Variants in MAP2K5 observed in about 807,000 individuals in gnomAD.
MAP2K5 encodes dual specificity mitogen-activated protein kinase kinase 5.
MAP2K5 carries 49 observed loss-of-function variants against 83.1 expected under a neutral mutation model. That is an observed-to-expected ratio of 0.59 (90% CI 0.47 to 0.75). MAP2K5 has a LOEUF of 0.75. Ranked by LOEUF, MAP2K5 falls within the 30% of genes least tolerant of loss-of-function variation. The pLI is 0.00. For missense variants in MAP2K5, 457 were observed against 557.5 expected (o/e 0.82, Z 1.82); for synonymous variants, 202 against 191.8 (o/e 1.05, Z -0.44).
intron 9 of MAP2K5, among the ~76,000 whole-genome samples, chr15:67,639,717 T>C (rs1240409319): frequency 6.6e-6 from 1 of 152,230 alleles, no homozygotes; most frequent in East Asian, 1.9e-4. Flanking sequence ...TCAGTCTGCT[T>C]TTATAGCATT....
At chr15:67,799,147 C>G (rs772353496) in intron 21 of MAP2K5, among the ~76,000 whole-genome samples, 1 of 152,118 alleles carries the variant, frequency 6.6e-6, no homozygotes, top group African/African-American at 2.4e-5. Context: ...CCAGCCTGGG[C>G]GACAGAGCGA....
chr15:67,564,904 A>G (rs1177817316), intron 3 of MAP2K5, among the ~76,000 whole-genome samples: 1 of 152,220 alleles, frequency 6.6e-6, no homozygotes, highest in African/African-American at 2.4e-5. Flanking sequence ...GATCTTACAA[A>G]TTGTGCTTTT....
rs573360459 is a variant in MAP2K5 at position 67,587,454 on chromosome 15, G to A, written c.431+541G>A. ...AAAGATCCTCTGCCTGTGGTGTGGC[G>A]AATGAGCAGAAGCTCCCATCTAATC... On this transcript the variant is annotated intron_variant, in intron 6 of 21. Transcript: ENST00000178640. The surrounding 1 kb of genome is among the most constrained non-coding windows in gnomAD (Gnocchi z 4.8). 6.6e-6 allele frequency among the ~76,000 whole-genome samples: 1 copy of A among 152,278 alleles called. No individual in the cohort carries two copies. The highest frequency in any genetic ancestry group is 2.1e-4 in the South Asian group (1 of 4,818).
rs1363663103 is a variant in MAP2K5, at chr15:67,665,853, G to GA, written c.847+1216dup. 1.3e-5 allele frequency among the ~76,000 whole-genome samples: 2 copies of GA among 151,788 alleles called. No homozygotes were observed. The highest frequency in any genetic ancestry group is 6.6e-5 in the Admixed American group (1 of 15,238). On this transcript the variant is annotated intron_variant, in intron 13 of 21. Coordinates refer to ENST00000178640, the MANE Select transcript of MAP2K5 (RefSeq NM_145160.3). The surrounding 1 kb of genome is among the most constrained non-coding windows in gnomAD (Gnocchi z 4.2). The stretch of plus-strand genomic sequence containing the variant: ...AAGTGTGTAAACAAATTTGGTGGAT[G>GA]AAAAAAAATTGAACATTTTTGACTA...
In MAP2K5 at chr15:67,738,530, C is replaced by G. The variant is rs886440706; in HGVS notation, c.1075-9701C>G. On this transcript the variant is annotated intron_variant, in intron 17 of 21. Transcript: ENST00000178640. The surrounding 1 kb of genome is among the most constrained non-coding windows in gnomAD (Gnocchi z 4.1). Reference sequence around the variant, plus strand: ...TTTCTACCCAAACATACGCACAGAGCTAACCTGAGTTCTGGTCTTGGCTTT... The same window carrying G: ...TTTCTACCCAAACATACGCACAGAGGTAACCTGAGTTCTGGTCTTGGCTTT... 3.9e-5 allele frequency among the ~76,000 whole-genome samples: 6 copies of G among 152,208 alleles called. No individual in the cohort carries two copies. The highest frequency in any genetic ancestry group is 7.4e-5 in the Non-Finnish European group (5 of 68,022).
At chr15:67,673,460 G>A (rs900006719) in intron 13 of MAP2K5, among the ~76,000 whole-genome samples, 1 of 152,022 alleles carries the variant, frequency 6.6e-6, no homozygotes, top group African/African-American at 2.4e-5. Flanking sequence ...AAATTATTTT[G>A]TTATATTTAT....
chr15:67,617,526 A>T (rs1210286561), intron 8 of MAP2K5, among the ~76,000 whole-genome samples: 1 of 152,204 alleles, frequency 6.6e-6, no homozygotes, highest in African/African-American at 2.4e-5. Flanking sequence ...TTGAAATTCT[A>T]GGCATAAATA....
At chr15:67,600,150 A>G (rs1437746245) in intron 7 of MAP2K5, among the ~76,000 whole-genome samples, 1 of 152,162 alleles carries the variant, frequency 6.6e-6, no homozygotes, top group South Asian at 2.1e-4. Flanking sequence ...TTATTGCTGT[A>G]TACTAGTTTG....
chr15:67,706,644 G>A (rs2088561618), intron 16 of MAP2K5, among the ~76,000 whole-genome samples: 1 of 152,122 alleles, frequency 6.6e-6, no homozygotes, highest in Non-Finnish European at 1.5e-5. Context: ...TGTACATGAT[G>A]CTTAACTAAA....
chr15:67,723,413 G>A (rs8025055), intron 16 of MAP2K5, among the ~76,000 whole-genome samples: 152,162 of 152,314 alleles, frequency 1, 76,005 homozygotes, highest in Non-Finnish European at 1. Context: ...GGAACGTCCT[G>A]TTTTTAGAGT....
At chr15:67,618,527 T>C (rs1325597319) in intron 8 of MAP2K5, among the ~76,000 whole-genome samples, 1 of 152,222 alleles carries the variant, frequency 6.6e-6, no homozygotes, top group Admixed American at 6.5e-5. Context: ...TTCAGACTCA[T>C]ATCTGATTAC....
intron 17 of MAP2K5, among the ~76,000 whole-genome samples, chr15:67,742,186 C>T (rs528322586): frequency 2.4e-4 from 36 of 152,284 alleles, no homozygotes; most frequent in African/African-American, 7.9e-4. Flanking sequence ...CCACTGCGCC[C>T]GGCCAAGAAA....
intron 19 of MAP2K5, among the ~76,000 whole-genome samples, chr15:67,766,298 T>G (rs1242425512): frequency 6.6e-5 from 10 of 152,184 alleles, no homozygotes; most frequent in Admixed American, 6.5e-4. Context: ...CCTCCGTGCT[T>G]AGAAGTTCAA....
intron 11 of MAP2K5, among the ~76,000 whole-genome samples, chr15:67,651,723 G>C (rs144439715): frequency 8.3e-4 from 127 of 152,214 alleles, no homozygotes; most frequent in African/African-American, 3.0e-3. Flanking sequence ...ATTTCATTGT[G>C]TTTATGTACC....
intron 1 of MAP2K5, among the ~76,000 whole-genome samples, chr15:67,548,205 A>G (rs1417774859): frequency 6.6e-6 from 1 of 152,248 alleles, no homozygotes; most frequent in East Asian, 1.9e-4. Context: ...CTATAGAGGT[A>G]CAGTTCACAT....
intron 13 of MAP2K5, among the ~76,000 whole-genome samples, chr15:67,678,509 T>C (rs1197200999): frequency 6.6e-6 from 1 of 152,214 alleles, no homozygotes; most frequent in African/African-American, 2.4e-5. Context: ...ATTAAATGTT[T>C]AAATATGAAA....
intron 19 of MAP2K5, among the ~76,000 whole-genome samples, chr15:67,761,172 A>T (rs1417606577): frequency 6.6e-6 from 1 of 150,680 alleles, no homozygotes; most frequent in Admixed American, 6.7e-5. Context: ...TGGCATTATG[A>T]TTTTCCAAAT....
chr15:67,673,252 C>T (rs2087593055), intron 13 of MAP2K5, among the ~76,000 whole-genome samples: 1 of 151,344 alleles, frequency 6.6e-6, no homozygotes, highest in Non-Finnish European at 1.5e-5. Context: ...CCGGAAGTTG[C>T]AAAAAAATGC....
chr15:67,581,165 T>C (rs112149071), intron 4 of MAP2K5, among the ~76,000 whole-genome samples: 1 of 152,218 alleles, frequency 6.6e-6, no homozygotes, highest in Non-Finnish European at 1.5e-5. Context: ...CTCATGATGG[T>C]GGCCAAAGCT....
Sources: allele counts gnomAD v4.1 joint callset (sites outside exome capture counted in the v4.1 genomes callset), GRCh38; gene constraint gnomAD v4.1.1; non-coding constraint Gnocchi (gnomAD v3.1); transcripts MANE v1.5; gene names NCBI Gene and HGNC (gene_info 2026-07-23, HGNC 2026-07-21).